Variants in UBE2Z observed in about 807,000 individuals in gnomAD.
The protein encoded by UBE2Z is ubiquitin conjugating enzyme E2 Z.
In UBE2Z, 10 loss-of-function variants were observed where a neutral mutation model predicts 32.6. The ratio of observed to expected loss-of-function variants is 0.31; its 90% CI spans 0.19 to 0.52. The LOEUF (loss-of-function observed/expected upper bound fraction) is 0.52, where lower values mean the gene tolerates loss of function less well. Ranked by LOEUF, UBE2Z falls within the 20% of genes least tolerant of loss-of-function variation. The probability of loss-of-function intolerance (pLI) is 0.97; values close to 1 mark genes in which losing one functional copy is unlikely to be tolerated. For synonymous variants in UBE2Z, 183 were observed against 190.8 expected (o/e 0.96, Z 0.34); for missense variants, 343 against 480.9 (o/e 0.71, Z 2.68).
intron 2 of UBE2Z, chr17:48,911,183 A>T (rs1279714549): frequency 5.7e-6 from 2 of 352,206 alleles, no homozygotes; most frequent in East Asian, 5.3e-5. Context: ...CTGTTTGGAT[A>T]ATAAATTATA....
intron 1 of UBE2Z, 33 bp downstream of exon 1, chr17:48,908,853 G>A (rs754036327): frequency 2.8e-6 from 4 of 1,444,392 alleles, no homozygotes; most frequent in South Asian, 2.6e-5. Flanking sequence ...CCAGCCCCGA[G>A]CTCCGGGGCT....
intron 3 of UBE2Z, 104 bp downstream of exon 3, chr17:48,913,125 A>G: frequency 3.5e-6 from 4 of 1,145,886 alleles, no homozygotes; most frequent in Non-Finnish European, 5.0e-6. Context: ...GAACACAGAA[A>G]ATGATTGAGT....
At chr17:48,909,476 C>T (rs778328900) in intron 1 of UBE2Z, among the ~76,000 whole-genome samples, 1 of 151,858 alleles carries the variant, frequency 6.6e-6, no homozygotes, top group Non-Finnish European at 1.5e-5. Context: ...CTACCTCCCC[C>T]CAATTCCCCA....
At chr17:48,917,242 T>C (rs1292002855) in intron 4 of UBE2Z, among the ~76,000 whole-genome samples, 1 of 152,028 alleles carries the variant, frequency 6.6e-6, no homozygotes, top group African/African-American at 2.4e-5. Context: ...GTGGTGGAGC[T>C]TACAGTGAGC....
chr17:48,916,259 T>TTG, intron 4 of UBE2Z, 72 bp downstream of exon 4: 1 of 304,928 alleles, frequency 3.3e-6, no homozygotes, highest in South Asian at 8.4e-5. Flanking sequence ...GGTTTTTTTG[T>TTG]TTTTTTTTTT....
intron 5 of UBE2Z, among the ~76,000 whole-genome samples, chr17:48,922,063 T>C (rs1050112409): frequency 6.6e-6 from 1 of 152,126 alleles, no homozygotes; most frequent in African/African-American, 2.4e-5. Flanking sequence ...ACAGTCACAC[T>C]CATAATTCCT....
At position 48,921,123 on chromosome 17, in the gene UBE2Z, T is replaced by G. The variant is rs766116552; in HGVS notation, c.691-37T>G. 9.6e-6 allele frequency: 15 copies of G among 1,560,128 alleles called. No homozygotes were observed. In the South Asian group the frequency reaches 1.8e-4, roughly 18 times the overall value. ...CCTTCCCATTGGTTTTCTTTTTGCT[T>G]AATTTTTGGAATACTCTGGCATCTG... is the stretch of plus-strand genomic sequence containing the variant. On this transcript the variant is annotated intron_variant, in intron 4 of 6. Transcript: ENST00000360943.
intron 6 of UBE2Z, among the ~76,000 whole-genome samples, chr17:48,924,924 T>C (rs994849577): frequency 1.3e-5 from 2 of 151,294 alleles, no homozygotes; most frequent in Middle Eastern, 3.2e-3. Context: ...ATGAGAATTC[T>C]CCTGTCCTGG....
At chr17:48,917,882 C>A (rs1235081682) in intron 4 of UBE2Z, among the ~76,000 whole-genome samples, 1 of 152,132 alleles carries the variant, frequency 6.6e-6, no homozygotes, top group Non-Finnish European at 1.5e-5. Flanking sequence ...GGAAAAAGTT[C>A]CAGTGATAGT....
At position 48,922,817 on chromosome 17, in the gene UBE2Z, C is replaced by T. The variant is rs779198686; in HGVS notation, c.804-30C>T. 7 of 1,585,342 alleles carry T rather than the reference C, an allele frequency of 4.4e-6. No homozygotes were observed. In the South Asian group the frequency reaches 7.9e-5, roughly 18 times the overall value. ...AGGGGTGACCTGTACCCCTGGGTTT[C>T]TCACTTACACTTTTCTGCTTGTTTT... On this transcript the variant is annotated intron_variant, in intron 5 of 6. Transcript: ENST00000360943.
At chr17:48,922,323 G>A (rs986684237) in intron 5 of UBE2Z, among the ~76,000 whole-genome samples, 1 of 152,056 alleles carries the variant, frequency 6.6e-6, no homozygotes, top group South Asian at 2.1e-4. Context: ...GGAGGCGGAG[G>A]TTGCAGTGAG....
intron 1 of UBE2Z, 60 bp from the exon 2 acceptor site, chr17:48,910,748 G>A: frequency 7.6e-7 from 1 of 1,313,970 alleles, no homozygotes; most frequent in Non-Finnish European, 1.1e-6. Flanking sequence ...CCTGCTCAAG[G>A]GATTCCCCCT....
At chr17:48,922,096 C>T (rs921133929) in intron 5 of UBE2Z, among the ~76,000 whole-genome samples, 15 of 152,114 alleles carry the variant, frequency 9.9e-5, no homozygotes, top group African/African-American at 9.7e-5. Context: ...AAGTCAACCA[C>T]GGGCAGTTAG....
At chr17:48,919,482 G>A (rs2040744237) in intron 4 of UBE2Z, among the ~76,000 whole-genome samples, 1 of 152,060 alleles carries the variant, frequency 6.6e-6, no homozygotes. Context: ...ATTTCTAATT[G>A]TACTATTTCT....
chr17:48,917,844 G>A (rs1030836545), intron 4 of UBE2Z, among the ~76,000 whole-genome samples: 1 of 152,204 alleles, frequency 6.6e-6, no homozygotes, highest in African/African-American at 2.4e-5. Flanking sequence ...CTCTTCCGAT[G>A]TGCCTTCCTG....
At chr17:48,913,437 C>T (rs1485999904) in intron 3 of UBE2Z, among the ~76,000 whole-genome samples, 2 of 152,210 alleles carry the variant, frequency 1.3e-5, no homozygotes, top group African/African-American at 2.4e-5. Context: ...TCACTGCAAC[C>T]TCTGCCTCCC....
intron 1 of UBE2Z, 126 bp from the exon 2 acceptor site, chr17:48,910,678 ACTTG>A (rs2040669948): frequency 1.3e-6 from 1 of 742,980 alleles, no homozygotes; most frequent in Non-Finnish European, 2.4e-6. Flanking sequence ...CAGTACAAAC[ACTTG>A]CGGTACCAAG....
At chr17:48,909,545 C>A (rs1375226080) in intron 1 of UBE2Z, among the ~76,000 whole-genome samples, 12 of 111,606 alleles carry the variant, frequency 1.1e-4, no homozygotes, top group African/African-American at 3.8e-4. Flanking sequence ...TTTCCCTCCC[C>A]CCACCCCCCA....
At position 48,908,410 on chromosome 17, in the gene UBE2Z, C is replaced by T. The variant is rs995830931; in HGVS notation, c.-94C>T. 5 of 1,121,984 alleles carry T rather than the reference C, an allele frequency of 4.5e-6. No individual in the cohort carries two copies. 69.5% of individuals were successfully genotyped at this position (1,121,984 alleles called of 1,614,324 possible). A position where few individuals can be genotyped will look rare whatever the true frequency, so the allele number is the denominator to read the frequency against. ...TGGAAGCGGAGGGGGTGGGGACACT[C>T]TGGCCCGGTTCTCGGTGGTGCGGGA... On this transcript the variant is annotated 5_prime_UTR_variant, in exon 1 of 7. Coordinates refer to ENST00000360943, the MANE Select transcript of UBE2Z (RefSeq NM_023079.5).
Sources: allele counts gnomAD v4.1 joint callset (sites outside exome capture counted in the v4.1 genomes callset), GRCh38; gene constraint gnomAD v4.1.1; transcripts MANE v1.5; gene names NCBI Gene and HGNC (gene_info 2026-07-23, HGNC 2026-07-21).